Variants in MAGI2 observed in about 807,000 individuals in gnomAD.
MAGI2 encodes the protein membrane-associated guanylate kinase, WW and PDZ domain-containing protein 2.
MAGI2 carries 35 observed loss-of-function variants against 133.3 expected under a neutral mutation model. The ratio of observed to expected loss-of-function variants is 0.26; its 90% CI spans 0.20 to 0.35. MAGI2 has a LOEUF of 0.35. MAGI2 is among the 10% of genes least tolerant of loss of function. The probability of loss-of-function intolerance (pLI) is 1.00; values close to 1 mark genes in which losing one functional copy is unlikely to be tolerated. For missense variants in MAGI2, 1,636 were observed against 1,863.4 expected (o/e 0.88, Z 2.25); for synonymous variants, 729 against 710.6 (o/e 1.03, Z -0.41).
At chr7:79,242,675 G>C (rs1832508409) in intron 1 of MAGI2, among the ~76,000 whole-genome samples, 1 of 152,074 alleles carries the variant, frequency 6.6e-6, no homozygotes, top group Non-Finnish European at 1.5e-5. Context: ...TATTAGTCAT[G>C]GTTTCCATGT....
At chr7:78,203,949 C>T (rs1397316361) in intron 10 of MAGI2, among the ~76,000 whole-genome samples, 2 of 152,036 alleles carry the variant, frequency 1.3e-5, no homozygotes, top group East Asian at 1.9e-4. Context: ...GGGGATGGCC[C>T]CTCTAGGAAA....
At chr7:78,293,456 G>A (rs1163978444) in intron 9 of MAGI2, among the ~76,000 whole-genome samples, 1 of 152,210 alleles carries the variant, frequency 6.6e-6, no homozygotes, top group South Asian at 2.1e-4. Context: ...AGAGGATGTG[G>A]AGAAATAGGA....
intron 1 of MAGI2, among the ~76,000 whole-genome samples, chr7:79,283,687 A>G (rs936696037): frequency 7.2e-5 from 11 of 152,214 alleles, no homozygotes; most frequent in Middle Eastern, 3.4e-3. Flanking sequence ...CATATACATA[A>G]AGAAAGGTTT....
intron 1 of MAGI2, among the ~76,000 whole-genome samples, chr7:79,423,703 A>C (rs1043431537): frequency 2.6e-5 from 4 of 152,146 alleles, no homozygotes; most frequent in Non-Finnish European, 5.9e-5. Context: ...AGAGCAGAGA[A>C]ACTGAATGAA....
chr7:79,394,701 ATGT>A (rs1234540367), intron 1 of MAGI2, among the ~76,000 whole-genome samples: 2 of 152,192 alleles, frequency 1.3e-5, no homozygotes, highest in Non-Finnish European at 2.9e-5. Flanking sequence ...AACAGTAATC[ATGT>A]TGTTCCTGTT....
At chr7:79,300,412 G>C (rs1837303762) in intron 1 of MAGI2, among the ~76,000 whole-genome samples, 1 of 152,180 alleles carries the variant, frequency 6.6e-6, no homozygotes, top group Admixed American at 6.5e-5. Flanking sequence ...TTTTGTTCAT[G>C]ACTTAGTGAT....
At chr7:79,445,357 C>G (rs1393026225) in intron 1 of MAGI2, among the ~76,000 whole-genome samples, 6 of 152,262 alleles carry the variant, frequency 3.9e-5, no homozygotes, top group Admixed American at 6.5e-5. Context: ...GCAAAAGAAA[C>G]TACCATCAGA....
chr7:78,218,288 C>T (rs60793343), intron 10 of MAGI2, among the ~76,000 whole-genome samples: 155 of 152,312 alleles, frequency 1.0e-3, no homozygotes, highest in African/African-American at 3.4e-3. Context: ...GATGTACATA[C>T]GAGGGCTTCC....
chr7:79,256,446 T>G (rs190353722), intron 1 of MAGI2, among the ~76,000 whole-genome samples: 161 of 151,202 alleles, frequency 1.1e-3, no homozygotes, highest in African/African-American at 3.7e-3. Flanking sequence ...TTTAAATAAA[T>G]GCTCAATTTC....
At position 78,810,778 on chromosome 7, in the gene MAGI2, T is replaced by G. The variant is rs539215818; in HGVS notation, c.419-183539A>C. On this transcript the variant is annotated intron_variant, in intron 2 of 21. Coordinates refer to ENST00000354212, the MANE Select transcript of MAGI2 (RefSeq NM_012301.4). Reference sequence around the variant, plus strand: ...TACCAAAATGTGAAGAATTGTCTGTTTCTTTCTATGAACTAAACTCATAGT... The same window carrying G: ...TACCAAAATGTGAAGAATTGTCTGTGTCTTTCTATGAACTAAACTCATAGT... Among the ~76,000 whole-genome samples the G allele has an allele frequency of 3.2e-4, 48 of 152,208 alleles. No individual in the cohort carries two copies. The South Asian group carries it at 9.3e-3, about 30-fold the overall frequency.
At chr7:79,105,520 C>A (rs1346971851) in intron 1 of MAGI2, among the ~76,000 whole-genome samples, 1 of 152,142 alleles carries the variant, frequency 6.6e-6, no homozygotes, top group East Asian at 1.9e-4. Flanking sequence ...CTGAATGTGG[C>A]TTATCCACTC....
chr7:78,419,063 C>T (rs1391501934), intron 6 of MAGI2, among the ~76,000 whole-genome samples: 1 of 152,034 alleles, frequency 6.6e-6, no homozygotes. Context: ...TATTGATCAA[C>T]CTGAAAATTT....
intron 13 of MAGI2, among the ~76,000 whole-genome samples, chr7:78,180,944 TTTTTTTA>T: frequency 6.6e-6 from 1 of 151,348 alleles, no homozygotes. Context: ...TTTTTTTTTT[TTTTTTTA>T]GGGAAAATAA....
At chr7:78,455,599 T>C (rs1047407760) in intron 6 of MAGI2, among the ~76,000 whole-genome samples, 29 of 152,136 alleles carry the variant, frequency 1.9e-4, no homozygotes, top group African/African-American at 7.0e-4. Context: ...TTAATGAAAA[T>C]AAAAATATAT....
intron 1 of MAGI2, among the ~76,000 whole-genome samples, chr7:79,229,256 CTT>C (rs1831144699): frequency 6.6e-6 from 1 of 152,050 alleles, no homozygotes; most frequent in Non-Finnish European, 1.5e-5. Flanking sequence ...TCTCACATAT[CTT>C]TGAAGTTCAG....
intron 3 of MAGI2, among the ~76,000 whole-genome samples, chr7:78,591,173 A>G (rs564176130): frequency 2.1e-4 from 32 of 152,366 alleles, no homozygotes; most frequent in African/African-American, 6.3e-4. Flanking sequence ...AGCAGCACAT[A>G]GGAAATGCTT....
At chr7:78,234,820 A>C (rs946989344) in intron 10 of MAGI2, among the ~76,000 whole-genome samples, 12 of 152,308 alleles carry the variant, frequency 7.9e-5, no homozygotes, top group African/African-American at 2.6e-4. Flanking sequence ...TCTCTTGTAC[A>C]TAACTTTAAT....
intron 1 of MAGI2, among the ~76,000 whole-genome samples, chr7:79,425,003 T>A (rs1162025719): frequency 1.3e-5 from 2 of 152,138 alleles, no homozygotes; most frequent in Non-Finnish European, 2.9e-5. Context: ...ATAAGTCTTG[T>A]GGCCTTTTCT....
intron 16 of MAGI2, among the ~76,000 whole-genome samples, chr7:78,136,384 T>G (rs900284292): frequency 3.3e-5 from 5 of 152,300 alleles, no homozygotes; most frequent in Middle Eastern, 3.4e-3. Flanking sequence ...CCTCCCAAAG[T>G]GCTGGGGTTA....
Sources: gnomAD v4.1 joint callset for allele counts (sites outside exome capture counted in the v4.1 genomes callset) on GRCh38, gnomAD v4.1.1 for gene constraint, MANE v1.5 for transcripts, NCBI Gene and HGNC (gene_info 2026-07-23, HGNC 2026-07-21) for gene names.